MSI2: variants seen among roughly 807,000 people sequenced by gnomAD.
MSI2 encodes the protein RNA-binding protein Musashi homolog 2.
In MSI2, 17 loss-of-function variants were observed where a neutral mutation model predicts 45.6. The ratio of observed to expected loss-of-function variants is 0.37; its 90% CI spans 0.26 to 0.56. MSI2 has a LOEUF of 0.56. Ranked by LOEUF, MSI2 falls within the 20% of genes least tolerant of loss-of-function variation. MSI2 has a pLI of 0.77. For synonymous variants in MSI2, 156 were observed against 158.2 expected (o/e 0.99, Z 0.11); for missense variants, 293 against 444.2 (o/e 0.66, Z 3.06).
chr17:57,301,826 T>TTATACATGAGTTTACCAGA (rs1911444447), intron 5 of MSI2, among the ~76,000 whole-genome samples: 1 of 152,216 alleles, frequency 6.6e-6, no homozygotes, highest in African/African-American at 2.4e-5. Context: ...CTTCTGGTGT[T>TTATACATGAGTTTACCAGA]TATACATGAG....
chr17:57,448,547 T>G (rs2084939925), intron 6 of MSI2: 1 of 152,262 alleles, frequency 6.6e-6, no homozygotes, highest in Admixed American at 6.5e-5. Flanking sequence ...CTGTCCAGGC[T>G]GTTAGTAACA....
chr17:57,519,133 C>T (rs2086531330), intron 6 of MSI2, among the ~76,000 whole-genome samples: 1 of 152,174 alleles, frequency 6.6e-6, no homozygotes, highest in Admixed American at 6.5e-5. Context: ...TGAGATAGGG[C>T]CTCCTGGGAC....
At chr17:57,574,310 C>T (rs1398279759) in intron 7 of MSI2, among the ~76,000 whole-genome samples, 1 of 152,200 alleles carries the variant, frequency 6.6e-6, no homozygotes, top group Non-Finnish European at 1.5e-5. Flanking sequence ...CTTTACAAGC[C>T]AATGAAATAA....
rs142901620 is a variant in MSI2 at position 57,623,953 on chromosome 17, G to A, written c.653-3276G>A. Among the ~76,000 whole-genome samples, 23 of 152,332 alleles carry A rather than the reference G, an allele frequency of 1.5e-4. 1 individual carries two copies. In the East Asian group the frequency reaches 1.7e-3, roughly 11 times the overall value. On this transcript the variant is annotated intron_variant, in intron 9 of 13. Transcript: ENST00000284073. ...ATTGGGGGTGGAGATAAGATCCCCC[G>A]CTCTGGCAGATGCCGAATTCTCATC...
Position 57,681,922 on chromosome 17 carries a change from TC to T in MSI2, c.*2408del. Reference sequence around the variant, plus strand: ...GTCCATGTTGGTGATGTACTGTACTTCCCTTCCTTTTCTCTGCATCCCCCAT... The same window carrying T: ...GTCCATGTTGGTGATGTACTGTACTTCCTTCCTTTTCTCTGCATCCCCCAT... On this transcript the variant is annotated 3_prime_UTR_variant, in exon 14 of 14. Transcript: ENST00000284073. 1 of 210,038 alleles carries T rather than the reference TC, an allele frequency of 4.8e-6. No homozygotes were observed. Among genetic ancestry groups the T allele is most frequent in the Admixed American group, 5.9e-5 (1 of 16,942 alleles). The allele number at this position is 210,038 out of a possible 1,614,324, so 13.0% of individuals were successfully genotyped here.
chr17:57,632,958 T>C, intron 10 of MSI2: 1 of 1,053,854 alleles, frequency 9.5e-7, no homozygotes, highest in Non-Finnish European at 1.1e-6. Flanking sequence ...TATTATTTTT[T>C]TCAAAGAACA....
chr17:57,349,623 C>G (rs890121790), intron 5 of MSI2, among the ~76,000 whole-genome samples: 1 of 152,300 alleles, frequency 6.6e-6, no homozygotes, highest in East Asian at 1.9e-4. Flanking sequence ...TGTCTAAGTA[C>G]CATGTCATGA....
chr17:57,450,271 G>GA (rs200243644), intron 6 of MSI2: 28 of 92,250 alleles, frequency 3.0e-4, no homozygotes, highest in Admixed American at 1.4e-3. Context: ...AAGAAAGAAA[G>GA]AAAGAAAGAA....
At chr17:57,671,273 G>A (rs1025778179) in intron 11 of MSI2, among the ~76,000 whole-genome samples, 5 of 152,162 alleles carry the variant, frequency 3.3e-5, no homozygotes, top group African/African-American at 9.7e-5. Flanking sequence ...TTTGCAAGAC[G>A]TTGTCCTCTT....
chr17:57,276,346 C>G (rs1376017388), intron 5 of MSI2, among the ~76,000 whole-genome samples: 5 of 152,318 alleles, frequency 3.3e-5, no homozygotes, highest in African/African-American at 1.2e-4. Context: ...GGAGACTCCC[C>G]TCCCGCCTGG....
chr17:57,644,389 C>T (rs1245075383), intron 10 of MSI2, among the ~76,000 whole-genome samples: 2 of 151,982 alleles, frequency 1.3e-5, no homozygotes, highest in East Asian at 3.9e-4. Context: ...CACCTTTTTT[C>T]CACTCTCTCC....
At chr17:57,335,152 G>A (rs187028860) in intron 5 of MSI2, among the ~76,000 whole-genome samples, 104 of 147,596 alleles carry the variant, frequency 7.0e-4, no homozygotes, top group Non-Finnish European at 1.1e-3. Flanking sequence ...GTGTCTTCCC[G>A]AACCCCAGCC....
intron 7 of MSI2, among the ~76,000 whole-genome samples, chr17:57,562,600 G>A (rs914003491): frequency 2.6e-5 from 4 of 152,208 alleles, no homozygotes; most frequent in Non-Finnish European, 5.9e-5. Flanking sequence ...TTTCTGGAGG[G>A]TGGAGGAGAG....
At chr17:57,468,730 G>A (rs911415804) in intron 6 of MSI2, among the ~76,000 whole-genome samples, 3 of 152,004 alleles carry the variant, frequency 2.0e-5, no homozygotes, top group East Asian at 1.9e-4. Flanking sequence ...GGATGCAGTC[G>A]GTGTGGTAGA....
chr17:57,562,043 G>A (rs537565283), intron 7 of MSI2, among the ~76,000 whole-genome samples: 9 of 152,312 alleles, frequency 5.9e-5, no homozygotes, highest in Non-Finnish European at 7.3e-5. Context: ...CACTTCTTCA[G>A]ATGTGATTGC....
chr17:57,375,318 C>G (rs1026982104), intron 5 of MSI2, among the ~76,000 whole-genome samples: 1 of 152,200 alleles, frequency 6.6e-6, no homozygotes, highest in South Asian at 2.1e-4. Context: ...AGCCGCACTT[C>G]CCCCGTGGCT....
chr17:57,357,556 C>A (rs746728319), intron 5 of MSI2, among the ~76,000 whole-genome samples: 1 of 152,104 alleles, frequency 6.6e-6, no homozygotes, highest in Non-Finnish European at 1.5e-5. Context: ...CTTGCCAGGG[C>A]GAGGAGAGCT....
chr17:57,639,607 G>C (rs990091395), intron 10 of MSI2, among the ~76,000 whole-genome samples: 1 of 152,242 alleles, frequency 6.6e-6, no homozygotes, highest in Non-Finnish European at 1.5e-5. Context: ...CTGCCTTTGA[G>C]GTGGGAAAGG....
At chr17:57,475,813 A>ACG (rs1281278164) in intron 6 of MSI2, among the ~76,000 whole-genome samples, 1 of 151,916 alleles carries the variant, frequency 6.6e-6, no homozygotes, top group Non-Finnish European at 1.5e-5. Flanking sequence ...GTACACACAC[A>ACG]CACACACACG....
Sources: allele counts gnomAD v4.1 joint callset (sites outside exome capture counted in the v4.1 genomes callset), GRCh38; gene constraint gnomAD v4.1.1; transcripts MANE v1.5; gene names NCBI Gene and HGNC (gene_info 2026-07-23, HGNC 2026-07-21).